Variants in ASIC2 observed in about 807,000 individuals in gnomAD.
ASIC2 encodes acid-sensing ion channel 2.
ASIC2 carries 25 observed loss-of-function variants against 57.3 expected under a neutral mutation model. That is an observed-to-expected ratio of 0.44 (90% CI 0.32 to 0.61). The LOEUF (loss-of-function observed/expected upper bound fraction) is 0.61, where lower values mean the gene tolerates loss of function less well. Ranked by LOEUF, ASIC2 falls within the 20% of genes least tolerant of loss-of-function variation. ASIC2 has a pLI of 0.06. For synonymous variants in ASIC2, 319 were observed against 307.5 expected, an observed-to-expected ratio of 1.04 and a Z score of -0.39; for missense variants, 641 against 738.1, an observed-to-expected ratio of 0.87 and a Z score of 1.52.
chr17:34,125,082 C>T (rs1911739161), intron 1 of ASIC2, among the ~76,000 whole-genome samples: 1 of 151,764 alleles, frequency 6.6e-6, no homozygotes. Flanking sequence ...AGAGACACCT[C>T]CTCCACAAAG....
rs866973446 is a variant in ASIC2 at position 33,292,670 on chromosome 17, G to A, written c.-555C>T. ...CACGGGAGAGAAGGCGCCAAGGAAC[G>A]AGCGCCCCCAGAGGCGCACCGCGGC... On this transcript the variant is annotated 5_prime_UTR_variant, in exon 1 of 10. Coordinates refer to ENST00000225823, the MANE Select transcript of ASIC2 (RefSeq NM_183377.2). 1.3e-5 allele frequency: 13 copies of A among 985,574 alleles called. No homozygotes were observed. Among genetic ancestry groups the A allele is most frequent in the Non-Finnish European group, 1.6e-5 (13 of 830,144 alleles). The allele number at this position is 985,574 out of a possible 1,614,324, so 61.1% of individuals were successfully genotyped here.
At chr17:33,101,085 C>T (rs769507639) in intron 2 of ASIC2, among the ~76,000 whole-genome samples, 1 of 152,210 alleles carries the variant, frequency 6.6e-6, no homozygotes, top group African/African-American at 2.4e-5. Flanking sequence ...CAGCTGGCTG[C>T]TGTAGGTTCC....
chr17:33,502,341 G>C (rs1914125157), intron 1 of ASIC2, among the ~76,000 whole-genome samples: 1 of 152,184 alleles, frequency 6.6e-6, no homozygotes, highest in African/African-American at 2.4e-5. Flanking sequence ...CCAGTGCCCT[G>C]GGGGACAGAG....
rs566605069 is a variant in ASIC2, at chr17:33,303,179, A to G, written c.556-191112T>C. On this transcript the variant is annotated intron_variant, in intron 1 of 9. Transcript: ENST00000359872. Reference sequence around the variant, plus strand: ...ATTCCAACATATTGGTAATTATTAGAAAAGCAGAACACCCAGAGTTTAGAA... The same window carrying G: ...ATTCCAACATATTGGTAATTATTAGGAAAGCAGAACACCCAGAGTTTAGAA... Among the ~76,000 whole-genome samples the G allele has an allele frequency of 2.6e-5, 4 of 152,366 alleles. No individual in the cohort carries two copies. The East Asian group carries it at 7.7e-4, about 29-fold the overall frequency.
intron 1 of ASIC2, among the ~76,000 whole-genome samples, chr17:33,403,396 C>T (rs1910351942): frequency 6.6e-6 from 1 of 152,230 alleles, no homozygotes; most frequent in South Asian, 2.1e-4. Flanking sequence ...TATCTCTTCT[C>T]CATCAGTTGT....
intron 1 of ASIC2, among the ~76,000 whole-genome samples, chr17:33,827,504 G>T (rs1366674023): frequency 2.0e-5 from 1 of 49,498 alleles, no homozygotes; most frequent in South Asian, 3.3e-4. Flanking sequence ...GCTATTTTTT[G>T]TCTTTTTTTT....
At chr17:33,893,155 A>C (rs912783985) in intron 1 of ASIC2, among the ~76,000 whole-genome samples, 5 of 152,218 alleles carry the variant, frequency 3.3e-5, no homozygotes, top group African/African-American at 1.2e-4. Flanking sequence ...CAGGAGACCA[A>C]GTTCCTGTTG....
intron 1 of ASIC2, among the ~76,000 whole-genome samples, chr17:33,839,949 C>G (rs1913385322): frequency 6.6e-6 from 1 of 152,214 alleles, no homozygotes; most frequent in Admixed American, 6.5e-5. Context: ...TGATTCACCT[C>G]TGCCCTTGTT....
intron 1 of ASIC2, among the ~76,000 whole-genome samples, chr17:33,519,260 C>T (rs1186519144): frequency 2.6e-5 from 4 of 152,178 alleles, no homozygotes; most frequent in African/African-American, 9.7e-5. Context: ...TTGCTCTTGG[C>T]CCTTCCGTTA....
intron 1 of ASIC2, among the ~76,000 whole-genome samples, chr17:33,248,860 C>T (rs1192260472): frequency 6.6e-6 from 1 of 152,220 alleles, no homozygotes; most frequent in Non-Finnish European, 1.5e-5. Flanking sequence ...TTGACTTAAT[C>T]ATTCCTGCAA....
intron 1 of ASIC2, among the ~76,000 whole-genome samples, chr17:33,128,452 G>A (rs1371440714): frequency 6.6e-6 from 1 of 152,196 alleles, no homozygotes; most frequent in Non-Finnish European, 1.5e-5. Flanking sequence ...AGCAGAATGG[G>A]GATGGAGACT....
chr17:33,600,835 G>A (rs1404627585), intron 1 of ASIC2, among the ~76,000 whole-genome samples: 2 of 152,176 alleles, frequency 1.3e-5, no homozygotes, highest in Non-Finnish European at 2.9e-5. Context: ...AATATGGGTG[G>A]TAAAGGCCAT....
intron 1 of ASIC2, among the ~76,000 whole-genome samples, chr17:33,186,623 G>A (rs1906206209): frequency 6.6e-6 from 1 of 152,172 alleles, no homozygotes; most frequent in South Asian, 2.1e-4. Flanking sequence ...CTGCTAATGA[G>A]CGTACAGTGC....
At chr17:33,787,765 C>G (rs1289650685) in intron 1 of ASIC2, among the ~76,000 whole-genome samples, 1 of 152,120 alleles carries the variant, frequency 6.6e-6, no homozygotes, top group Non-Finnish European at 1.5e-5. Flanking sequence ...TGGTTTGGGT[C>G]TGTGTGCCCA....
At chr17:33,851,989 A>T (rs1913778771) in intron 1 of ASIC2, among the ~76,000 whole-genome samples, 1 of 152,230 alleles carries the variant, frequency 6.6e-6, no homozygotes, top group Non-Finnish European at 1.5e-5. Context: ...AAAGGCAAAC[A>T]AGGGATCGGA....
intron 1 of ASIC2, among the ~76,000 whole-genome samples, chr17:33,440,866 G>A (rs1018339672): frequency 9.9e-5 from 15 of 152,204 alleles, no homozygotes; most frequent in Admixed American, 2.0e-4. Context: ...GGATACAAGT[G>A]CTTTATATTA....
chr17:33,815,891 T>C (rs1294002014), intron 1 of ASIC2, among the ~76,000 whole-genome samples: 1 of 152,216 alleles, frequency 6.6e-6, no homozygotes, highest in East Asian at 1.9e-4. Context: ...TCACAGGAAG[T>C]GTATTGGGTA....
At chr17:33,973,453 T>C (rs375240765) in intron 1 of ASIC2, among the ~76,000 whole-genome samples, 254 of 152,290 alleles carry the variant, frequency 1.7e-3, no homozygotes, top group African/African-American at 6.1e-3. Flanking sequence ...CTTCCTCCTG[T>C]AGCAATAGGC....
chr17:33,366,175 T>A (rs1344748982), intron 1 of ASIC2, among the ~76,000 whole-genome samples: 1 of 152,232 alleles, frequency 6.6e-6, no homozygotes, highest in East Asian at 1.9e-4. Context: ...CAAGGTCAAA[T>A]TCATCATCAT....
Sources: allele counts gnomAD v4.1 joint callset (sites outside exome capture counted in the v4.1 genomes callset), GRCh38; gene constraint gnomAD v4.1.1; transcripts MANE v1.5; gene names NCBI Gene and HGNC (gene_info 2026-07-23, HGNC 2026-07-21).